Variants in TENM2 observed in about 807,000 individuals in gnomAD.
The protein encoded by TENM2 is teneurin-2.
Under a neutral mutation model 245.2 loss-of-function variants are expected in TENM2, and 52 were observed. The ratio of observed to expected loss-of-function variants is 0.21; its 90% CI spans 0.17 to 0.27. TENM2 has a LOEUF of 0.27. TENM2 is among the 10% of genes least tolerant of loss of function. The probability of loss-of-function intolerance (pLI) is 1.00; values close to 1 mark genes in which losing one functional copy is unlikely to be tolerated. For missense variants in TENM2, 3,046 were observed against 3,666.8 expected (o/e 0.83, Z 4.37); for synonymous variants, 1,363 against 1,438.9 (o/e 0.95, Z 1.19).
At chr5:167,126,481 A>G in the TENM2 span, among the ~76,000 whole-genome samples, 1 of 152,176 alleles carries the variant, frequency 6.6e-6, no homozygotes, top group Non-Finnish European at 1.5e-5. Context: ...AATAATATAA[A>G]TAAAGCTAGA....
chr5:168,177,805 G>T (rs1278191404), intron 13 of TENM2, among the ~76,000 whole-genome samples: 1 of 152,180 alleles, frequency 6.6e-6, no homozygotes, highest in African/African-American at 2.4e-5. Context: ...CCACTGCACT[G>T]CAGCCTGGGT....
chr5:168,194,081 A>T (rs967925381), intron 14 of TENM2, among the ~76,000 whole-genome samples: 2 of 152,206 alleles, frequency 1.3e-5, no homozygotes, highest in African/African-American at 4.8e-5. Flanking sequence ...AAGTAAGTGC[A>T]TCCAAAAATC....
intron 2 of TENM2, among the ~76,000 whole-genome samples, chr5:167,713,755 G>A (rs904673299): frequency 3.3e-5 from 5 of 152,062 alleles, no homozygotes; most frequent in East Asian, 1.9e-4. Context: ...ACTTATACTC[G>A]TGCGTACGTG....
At chr5:167,986,194 G>A (rs1023886709) in intron 4 of TENM2, among the ~76,000 whole-genome samples, 1 of 152,206 alleles carries the variant, frequency 6.6e-6, no homozygotes, top group South Asian at 2.1e-4. Context: ...GTCACGTAAA[G>A]GATACAGGAG....
chr5:167,983,171 G>A (rs1477528075), intron 4 of TENM2, among the ~76,000 whole-genome samples: 16 of 137,694 alleles, frequency 1.2e-4, no homozygotes, highest in Admixed American at 9.0e-4. Context: ...TCCAGAGGGG[G>A]AAAAAGAAGA....
At chr5:168,195,176 C>G (rs1286230358) in exon 15 of TENM2, 1 of 1,595,084 alleles carries the variant, frequency 6.3e-7, no homozygotes, top group African/African-American at 1.3e-5. Flanking sequence ...TCTTTCTCAG[C>G]TTGGTTTCTC....
At chr5:167,405,000 C>T (rs928931085) in intron 2 of TENM2, among the ~76,000 whole-genome samples, 3 of 152,098 alleles carry the variant, frequency 2.0e-5, no homozygotes, top group Non-Finnish European at 2.9e-5. Flanking sequence ...CATAGATTTG[C>T]CTATTTTAGA....
chr5:167,172,437 C>T, the TENM2 span, among the ~76,000 whole-genome samples: 1 of 152,092 alleles, frequency 6.6e-6, no homozygotes, highest in African/African-American at 2.4e-5. Context: ...GGTCGTTTTG[C>T]CTAAGACCAC....
chr5:168,175,036 CTT>C (rs951985231), intron 13 of TENM2, among the ~76,000 whole-genome samples: 18 of 152,158 alleles, frequency 1.2e-4, no homozygotes. Flanking sequence ...GGTCCACAGA[CTT>C]TGGAATCAGA....
chr5:167,164,395 T>G, the TENM2 span, among the ~76,000 whole-genome samples: 1 of 152,238 alleles, frequency 6.6e-6, no homozygotes, highest in African/African-American at 2.4e-5. Flanking sequence ...ATGTATGGAA[T>G]TTTAGACTCA....
intron 25 of TENM2, among the ~76,000 whole-genome samples, chr5:168,228,584 T>TTAAAG (rs372737574): frequency 5.3e-4 from 78 of 146,356 alleles, no homozygotes; most frequent in African/African-American, 1.7e-3. Flanking sequence ...AACAAAACTT[T>TTAAAG]TAAAGTATGT....
intron 2 of TENM2, among the ~76,000 whole-genome samples, chr5:167,832,924 T>G (rs557097307): frequency 1.4e-4 from 21 of 151,796 alleles, no homozygotes; most frequent in Middle Eastern, 3.2e-3. Context: ...AGATCAGGGC[T>G]TTTTTTTCCT....
chr5:167,999,623 C>A (rs1207058322), intron 5 of TENM2, among the ~76,000 whole-genome samples: 1 of 152,158 alleles, frequency 6.6e-6, no homozygotes, highest in Non-Finnish European at 1.5e-5. Context: ...AATCCCTCTG[C>A]TTCGGAGGAG....
chr5:168,263,066 A>C, downstream of TENM2: 4 of 426,472 alleles, frequency 9.4e-6, no homozygotes, highest in Non-Finnish European at 1.7e-5. Context: ...GACACACACA[A>C]TGTTCCAAGT....
At chr5:167,668,585 T>G (rs1445255309) in intron 2 of TENM2, among the ~76,000 whole-genome samples, 1 of 152,164 alleles carries the variant, frequency 6.6e-6, no homozygotes, top group Non-Finnish European at 1.5e-5. Flanking sequence ...AAGGTTTAAT[T>G]TTCCTTTTTG....
intron 1 of TENM2, among the ~76,000 whole-genome samples, chr5:167,331,769 A>G (rs1268593691): frequency 6.6e-6 from 1 of 152,234 alleles, no homozygotes; most frequent in Non-Finnish European, 1.5e-5. Flanking sequence ...TAATTATCAC[A>G]GAAGATAATA....
At chr5:167,342,972 C>G (rs1186080333) in intron 1 of TENM2, among the ~76,000 whole-genome samples, 1 of 151,018 alleles carries the variant, frequency 6.6e-6, no homozygotes, top group African/African-American at 2.4e-5. Flanking sequence ...TGGAATTCTT[C>G]TATATGGGAG....
intron 13 of TENM2, among the ~76,000 whole-genome samples, chr5:168,182,896 T>C (rs985810589): frequency 6.8e-6 from 1 of 147,446 alleles, no homozygotes; most frequent in Admixed American, 6.9e-5. Flanking sequence ...AGTGATGCAA[T>C]TGGGCCTCAC....
At chr5:168,127,696 G>A (rs1025094349) in intron 12 of TENM2, among the ~76,000 whole-genome samples, 4 of 152,168 alleles carry the variant, frequency 2.6e-5, no homozygotes, top group African/African-American at 9.7e-5. Flanking sequence ...AGCCAATGCT[G>A]TTTGGCTTTG....
Sources: allele counts gnomAD v4.1 joint callset (sites outside exome capture counted in the v4.1 genomes callset), GRCh38; gene constraint gnomAD v4.1.1; transcripts MANE v1.5; gene names NCBI Gene and HGNC (gene_info 2026-07-23, HGNC 2026-07-21).